LIMS2: variants seen among roughly 807,000 people sequenced by gnomAD.
LIMS2 encodes the protein LIM and senescent cell antigen-like-containing domain protein 2.
Under a neutral mutation model 45.3 loss-of-function variants are expected in LIMS2, and 30 were observed. The ratio of observed to expected loss-of-function variants is 0.66; its 90% CI spans 0.50 to 0.90. The LOEUF (loss-of-function observed/expected upper bound fraction) is 0.90, where lower values mean the gene tolerates loss of function less well. Ranked by LOEUF, LIMS2 falls within the 40% of genes least tolerant of loss-of-function variation. LIMS2 has a pLI of 0.00. For synonymous variants in LIMS2, 173 were observed against 188.0 expected (o/e 0.92, Z 0.65); for missense variants, 485 against 468.7 (o/e 1.03, Z -0.32).
Position 127,670,205 on chromosome 2 carries a change from G to A in LIMS2, c.11+4809C>T, listed in dbSNP as rs557325714. Among the ~76,000 whole-genome samples the A allele has an allele frequency of 3.2e-4, 49 of 152,158 alleles. 1 individual carries two copies. The highest frequency in any genetic ancestry group is 1.1e-3 in the African/African-American group (45 of 41,504). On this transcript the variant is annotated intron_variant, in intron 1 of 9. Coordinates refer to ENST00000355119, the MANE Select transcript of LIMS2 (RefSeq NM_001161403.3). ...GAATGTTCATAGCAGTATTATTCAC[G>A]GTAGCCAAAAAGTGGAAACAATGCA...
chr2:127,652,906 G>A (rs900943779), intron 4 of LIMS2, among the ~76,000 whole-genome samples: 1 of 152,332 alleles, frequency 6.6e-6, no homozygotes, highest in Non-Finnish European at 1.5e-5. Flanking sequence ...TTTCCAAAAC[G>A]TTTCCAGCAT....
At chr2:127,656,938 C>T (rs1336112998) in intron 2 of LIMS2, among the ~76,000 whole-genome samples, 2 of 152,202 alleles carry the variant, frequency 1.3e-5, no homozygotes, top group Non-Finnish European at 2.9e-5. Context: ...GTTCTCCCAC[C>T]ACAGGGTATG....
intron 4 of LIMS2, among the ~76,000 whole-genome samples, chr2:127,644,364 C>T (rs891932591): frequency 6.6e-6 from 1 of 152,220 alleles, no homozygotes; most frequent in Non-Finnish European, 1.5e-5. Context: ...CTGGCTCTTA[C>T]ACCCCAGCGA....
At chr2:127,660,565 T>G (rs1423339262) in intron 1 of LIMS2, among the ~76,000 whole-genome samples, 1 of 152,142 alleles carries the variant, frequency 6.6e-6, no homozygotes, top group East Asian at 1.9e-4. Context: ...AGCCTTCACT[T>G]CTGAAGTCAG....
At chr2:127,640,565 A>G in intron 7 of LIMS2, 1 of 603,508 alleles carries the variant, frequency 1.7e-6, no homozygotes, top group South Asian at 2.0e-5. Flanking sequence ...GCTGTCCTGC[A>G]AGGAGGTGGG....
chr2:127,673,765 A>G, intron 1 of LIMS2: 1 of 1,550,146 alleles, frequency 6.5e-7, no homozygotes, highest in Non-Finnish European at 8.7e-7. Context: ...GAGAGTGAGA[A>G]CCAGCCAGCT....
chr2:127,643,144 G>C (rs1682609111), intron 4 of LIMS2, 72 bp from the exon 5 acceptor site: 3 of 1,482,108 alleles, frequency 2.0e-6, no homozygotes, highest in Non-Finnish European at 1.8e-6. Flanking sequence ...GGAGAAGAGA[G>C]GCCAGACCCC....
intron 6 of LIMS2, 166 bp downstream of exon 6, chr2:127,641,883 G>A (rs1269946529): frequency 1.3e-6 from 1 of 766,712 alleles, no homozygotes; most frequent in Non-Finnish European, 2.0e-6. Flanking sequence ...GCAGGCTGGG[G>A]TCCCTGGCTG....
intron 1 of LIMS2, among the ~76,000 whole-genome samples, chr2:127,657,901 T>C (rs1684370707): frequency 6.6e-6 from 1 of 152,212 alleles, no homozygotes; most frequent in Admixed American, 6.5e-5. Flanking sequence ...ACTATTATTA[T>C]GGCCTCTTCC....
chr2:127,658,554 T>G (rs1011018069), intron 1 of LIMS2, among the ~76,000 whole-genome samples: 5 of 152,182 alleles, frequency 3.3e-5, no homozygotes, highest in Admixed American at 3.3e-4. Flanking sequence ...AAGCCCACAG[T>G]GAGCCAGGCC....
rs918250899 is a variant in LIMS2 at position 127,650,278 on chromosome 2, TGAG to T, written c.359+4143_359+4145del. The stretch of plus-strand genomic sequence containing the variant: ...AGAACTCACCTGCCAAGGCTTGGGC[TGAG>T]GAGGAGCTGGAATCCCGGAGACACA... On this transcript the variant is annotated intron_variant, in intron 4 of 9. Transcript: ENST00000355119. The T allele has an allele frequency of 5.3e-5, 31 of 582,892 alleles. No individual in the cohort carries two copies. In the Admixed American group the frequency reaches 5.6e-4, roughly 11 times the overall value. 36.1% of individuals were successfully genotyped at this position (582,892 alleles called of 1,614,324 possible).
Position 127,642,893 on chromosome 2 carries a change from C to G in LIMS2, c.509+30G>C, listed in dbSNP as rs756613799. 2.4e-5 allele frequency: 37 copies of G among 1,548,018 alleles called. No individual in the cohort carries two copies. The South Asian group carries it at 4.0e-4, about 17-fold the overall frequency. On this transcript the variant is annotated intron_variant, in intron 5 of 9. Coordinates refer to ENST00000355119, the MANE Select transcript of LIMS2 (RefSeq NM_001161403.3). The surrounding 1 kb of genome is among the most constrained non-coding windows in gnomAD (Gnocchi z 5.3). ...TGGGCCAGCCCTGGCTCCCCGCCCC[C>G]ACAACTGCAGGGCCGGGCTGCGCAC...
intron 4 of LIMS2, chr2:127,651,244 C>T: frequency 6.2e-7 from 1 of 1,606,728 alleles, no homozygotes; most frequent in South Asian, 1.1e-5. Flanking sequence ...CTGGTGAGCC[C>T]ACAGACCGTG....
chr2:127,650,816 G>A (rs145234598), intron 4 of LIMS2: 173 of 1,613,866 alleles, frequency 1.1e-4, no homozygotes, highest in South Asian at 3.2e-4. Context: ...GCCAGGAGAC[G>A]CCACTGGAGA....
chr2:127,650,959 T>G, intron 4 of LIMS2: 1 of 1,613,894 alleles, frequency 6.2e-7, no homozygotes, highest in Non-Finnish European at 8.5e-7. Context: ...CATCTGGCCG[T>G]GGCCGACTTG....
intron 4 of LIMS2, chr2:127,651,310 A>G (rs1281271247): frequency 6.2e-7 from 1 of 1,609,806 alleles, no homozygotes; most frequent in South Asian, 1.1e-5. Context: ...GCCTCCCACC[A>G]TGCCCTGGTG....
intron 4 of LIMS2, chr2:127,650,656 G>A (rs540322086): frequency 4.1e-6 from 5 of 1,209,654 alleles, no homozygotes; most frequent in Admixed American, 2.1e-5. Flanking sequence ...CTGGACTTCA[G>A]AGAGCGTGAA....
chr2:127,661,216 G>A (rs1336246806), intron 1 of LIMS2, among the ~76,000 whole-genome samples: 7 of 152,240 alleles, frequency 4.6e-5, no homozygotes, highest in African/African-American at 1.7e-4. Flanking sequence ...ACCAGCCTGG[G>A]ACCTGGAGAG....
rs755783718 is a variant in LIMS2 at position 127,657,550 on chromosome 2, G to T, written c.24C>A (p.Asp8Glu). 1.2e-6 allele frequency: 2 copies of T among 1,602,160 alleles called. No individual in the cohort carries two copies. Among genetic ancestry groups the T allele is most frequent in the Non-Finnish European group, 1.7e-6 (2 of 1,173,986 alleles). ...GCTGGCACACGGCGTTGGCCAAGGCGTCCGACATATTGCTGGGGGCAGGAG... is the reference window on the plus strand; with the variant it reads ...GCTGGCACACGGCGTTGGCCAAGGCTTCCGACATATTGCTGGGGGCAGGAG... MTGSNMS[D>E]ALANAVCQRC... Residue 8 changes from aspartate (D) to glutamate (E), a missense_variant, in exon 2 of 10, where the codon GAC becomes GAA. Transcript: ENST00000355119.
Sources: gnomAD v4.1 joint callset for allele counts (sites outside exome capture counted in the v4.1 genomes callset) on GRCh38, gnomAD v4.1.1 for gene constraint, Gnocchi (gnomAD v3.1) non-coding constraint, MANE v1.5 for transcripts, NCBI Gene and HGNC (gene_info 2026-07-23, HGNC 2026-07-21) for gene names.